Variants in ANKS1A observed in about 807,000 individuals in gnomAD.
ANKS1A encodes ankyrin repeat and sterile alpha motif domain containing 1A, also known as ankyrin repeat and SAM domain-containing protein 1A.
In ANKS1A, 55 loss-of-function variants were observed where a neutral mutation model predicts 120.3. The ratio of observed to expected loss-of-function variants is 0.46; its 90% CI spans 0.37 to 0.57. ANKS1A has a LOEUF of 0.57. ANKS1A is among the 20% of genes least tolerant of loss of function. ANKS1A has a pLI of 0.00. For missense variants in ANKS1A, 1,123 were observed against 1,480.3 expected (o/e 0.76, Z 3.96); for synonymous variants, 590 against 604.7 (o/e 0.98, Z 0.36).
chr6:34,944,097 A>C (rs939488095), intron 1 of ANKS1A, among the ~76,000 whole-genome samples: 10 of 151,142 alleles, frequency 6.6e-5, no homozygotes, highest in Admixed American at 2.0e-4. Context: ...CACGGTGAAA[A>C]CCCAGTCTCT....
rs1777845398 is a variant in ANKS1A at position 35,084,277 on chromosome 6, C to T, written c.3132+19C>T. 6.2e-7 allele frequency: 1 copy of T among 1,612,288 alleles called. No individual in the cohort carries two copies. Among genetic ancestry groups the T allele is most frequent in the African/African-American group, 1.3e-5 (1 of 74,910 alleles). On this transcript the variant is annotated intron_variant, in intron 21 of 23. Transcript: ENST00000360359. The surrounding 1 kb of genome is among the most constrained non-coding windows in gnomAD (Gnocchi z 4.8). ...GGATGTGGTGGGTGGGGTCCTGGGGCCGGGTGGGGCAGGCTTGGGTTGCAG... is the reference window on the plus strand; with the variant it reads ...GGATGTGGTGGGTGGGGTCCTGGGGTCGGGTGGGGCAGGCTTGGGTTGCAG...
chr6:35,063,365 T>C (rs755070398), intron 13 of ANKS1A, among the ~76,000 whole-genome samples: 2 of 152,200 alleles, frequency 1.3e-5, no homozygotes, highest in Non-Finnish European at 2.9e-5. Flanking sequence ...GTTGGCAAAT[T>C]TGTAGCTCCG....
intron 11 of ANKS1A, among the ~76,000 whole-genome samples, chr6:35,042,634 G>T (rs1775521301): frequency 6.6e-6 from 1 of 152,220 alleles, no homozygotes; most frequent in Non-Finnish European, 1.5e-5. Context: ...TCTGCTGCAA[G>T]AATTCTAAAG....
At chr6:34,974,659 G>A (rs1031234079) in intron 3 of ANKS1A, among the ~76,000 whole-genome samples, 2 of 152,106 alleles carry the variant, frequency 1.3e-5, no homozygotes, top group Non-Finnish European at 2.9e-5. Flanking sequence ...TATTAGTTTT[G>A]TTGACTTAAG....
chr6:35,006,908 G>A (rs547534729), intron 10 of ANKS1A, among the ~76,000 whole-genome samples: 34 of 152,340 alleles, frequency 2.2e-4, no homozygotes, highest in Admixed American at 9.8e-4. Context: ...TCTTAGGGAT[G>A]CAGAGACGGG....
chr6:35,078,512 G>C (rs1379520255), intron 13 of ANKS1A, 46 bp from the exon 14 acceptor site: 1 of 1,575,494 alleles, frequency 6.3e-7, no homozygotes, highest in Non-Finnish European at 8.7e-7. Flanking sequence ...AGGGCCACCA[G>C]CCATCCATCC....
In ANKS1A at chr6:35,044,065, T is replaced by G. The variant is rs1310662699; in HGVS notation, c.2011-10034T>G. On this transcript the variant is annotated intron_variant, in intron 11 of 23. Coordinates refer to ENST00000360359, the MANE Select transcript of ANKS1A (RefSeq NM_015245.3). This position sits in a 1 kb window ranked among gnomAD's most constrained non-coding sequence, Gnocchi z 4.4. ...TAATTTATGTAATGTTTAATTAAAT[T>G]TTCTATTTTCATCAACAAATATAAC... Among the ~76,000 whole-genome samples the G allele has an allele frequency of 6.6e-6, 1 of 152,226 alleles. No homozygotes were observed. Among genetic ancestry groups the G allele is most frequent in the Non-Finnish European group, 1.5e-5 (1 of 68,048 alleles).
chr6:35,088,521 C>T (rs1292975092), intron 23 of ANKS1A, 85 bp from the exon 24 acceptor site: 44 of 1,560,318 alleles, frequency 2.8e-5, no homozygotes, highest in Admixed American at 6.7e-5. Context: ...GTCTGTCCTG[C>T]TCTGTGTTTC....
At chr6:34,946,588 G>GA (rs35244154) in intron 1 of ANKS1A, among the ~76,000 whole-genome samples, 190 of 136,824 alleles carry the variant, frequency 1.4e-3, no homozygotes, top group African/African-American at 1.7e-3. Context: ...ACTCTGTCTT[G>GA]AAAAAAAAAA....
In ANKS1A at chr6:35,029,459, C is replaced by T. The variant is rs541550911; in HGVS notation, c.2010+11400C>T. 4.6e-5 allele frequency among the ~76,000 whole-genome samples: 7 copies of T among 151,236 alleles called. 1 individual carries two copies. Among genetic ancestry groups the T allele is most frequent in the African/African-American group, 1.7e-4 (7 of 41,276 alleles). On this transcript the variant is annotated intron_variant, in intron 11 of 23. Transcript: ENST00000360359. The stretch of plus-strand genomic sequence containing the variant: ...CATCTCCTGGGTTCAAGCTGTTCTC[C>T]TGCCTCAGCCTCCTGAGTAGCTGGG...
At chr6:35,054,364 T>C (rs1390853333) in intron 12 of ANKS1A, among the ~76,000 whole-genome samples, 199 bp downstream of exon 12, 2 of 152,208 alleles carry the variant, frequency 1.3e-5, no homozygotes, top group Non-Finnish European at 2.9e-5. Flanking sequence ...TGACTCCTTT[T>C]ACATATGGGA....
intron 12 of ANKS1A, among the ~76,000 whole-genome samples, chr6:35,054,370 T>C (rs1384464782): frequency 6.6e-6 from 1 of 152,094 alleles, no homozygotes; most frequent in Non-Finnish European, 1.5e-5. Flanking sequence ...CTTTTACATA[T>C]GGGAGGGGAA....
At chr6:35,015,326 G>T (rs1242928591) in intron 10 of ANKS1A, among the ~76,000 whole-genome samples, 1 of 152,084 alleles carries the variant, frequency 6.6e-6, no homozygotes, top group African/African-American at 2.4e-5. Flanking sequence ...GCAAAACCCC[G>T]TCTCTACTAA....
intron 3 of ANKS1A, among the ~76,000 whole-genome samples, chr6:34,976,315 CAGA>C (rs1463814835): frequency 1.3e-5 from 2 of 152,060 alleles, no homozygotes; most frequent in Non-Finnish European, 1.5e-5. Context: ...ATTTTGGGAG[CAGA>C]AGTAGTTTTT....
At chr6:34,991,069 A>G (rs1225308781) in intron 9 of ANKS1A, among the ~76,000 whole-genome samples, 2 of 152,086 alleles carry the variant, frequency 1.3e-5, no homozygotes, top group Non-Finnish European at 2.9e-5. Flanking sequence ...CCTAGACTCT[A>G]TCATATCTCA....
chr6:35,002,116 C>G (rs1561904745), intron 10 of ANKS1A, among the ~76,000 whole-genome samples: 4 of 152,134 alleles, frequency 2.6e-5, no homozygotes, highest in Non-Finnish European at 5.9e-5. Flanking sequence ...CTGTGAAAAT[C>G]CCCGCATAAC....
At chr6:34,995,850 A>T (rs528225923) in intron 10 of ANKS1A, among the ~76,000 whole-genome samples, 1 of 152,324 alleles carries the variant, frequency 6.6e-6, no homozygotes, top group Admixed American at 6.5e-5. Flanking sequence ...ATTACAAATA[A>T]ATCACTAAAA....
chr6:35,018,123 C>T, intron 11 of ANKS1A, 64 bp downstream of exon 11: 1 of 1,494,696 alleles, frequency 6.7e-7, no homozygotes, highest in Non-Finnish European at 9.1e-7. Flanking sequence ...CACCACAGCT[C>T]CCGTGAGTGC....
chr6:35,089,103 C>T lies in ANKS1A; in HGVS notation c.*494C>T, dbSNP rs1778161905. On this transcript the variant is annotated 3_prime_UTR_variant, in exon 24 of 24. Transcript: ENST00000360359. Reference sequence around the variant, plus strand: ...TGGCCTGTGGGTGAGGGGAACGGAGCAGGCTCAGGCAGAATTGAGTACGGT... The same window carrying T: ...TGGCCTGTGGGTGAGGGGAACGGAGTAGGCTCAGGCAGAATTGAGTACGGT... The T allele has an allele frequency of 9.6e-7, 1 of 1,037,394 alleles. No homozygotes were observed. Among genetic ancestry groups the T allele is most frequent in the Admixed American group, 4.8e-5 (1 of 20,630 alleles). The allele number at this position is 1,037,394 out of a possible 1,614,324, so 64.3% of individuals were successfully genotyped here.
Sources: gnomAD v4.1 joint callset for allele counts (sites outside exome capture counted in the v4.1 genomes callset) on GRCh38, gnomAD v4.1.1 for gene constraint, Gnocchi (gnomAD v3.1) non-coding constraint, MANE v1.5 for transcripts, NCBI Gene and HGNC (gene_info 2026-07-23, HGNC 2026-07-21) for gene names.